NFATC2: variants seen among roughly 807,000 people sequenced by gnomAD.
NFATC2 encodes the protein nuclear factor of activated T-cells, cytoplasmic 2.
Under a neutral mutation model 87.3 loss-of-function variants are expected in NFATC2, and 22 were observed. The observed-to-expected ratio is 0.25, with a 90% CI of 0.18 to 0.36. NFATC2 has a LOEUF of 0.36. Among genes scored for constraint, NFATC2 ranks in the 10% least tolerant of loss-of-function variants. NFATC2 has a pLI of 1.00. For synonymous variants in NFATC2, 565 were observed against 542.2 expected, an observed-to-expected ratio of 1.04 and a Z score of -0.58; for missense variants, 1,149 against 1,259.1, an observed-to-expected ratio of 0.91 and a Z score of 1.32.
intron 1 of NFATC2, among the ~76,000 whole-genome samples, chr20:51,527,478 G>A (rs60959924): frequency 0.019 from 2,918 of 151,908 alleles, 93 homozygotes; most frequent in African/African-American, 0.066. Flanking sequence ...CGTTTCCCTC[G>A]ACCTCCAGTC....
At chr20:51,408,972 A>T (rs2426304) in intron 9 of NFATC2, among the ~76,000 whole-genome samples, 2,692 of 152,298 alleles carry the variant, frequency 0.018, 30 homozygotes, top group Middle Eastern at 0.054. Context: ...CACCCAGAAA[A>T]CTCACACCTT....
intron 3 of NFATC2, among the ~76,000 whole-genome samples, chr20:51,505,170 T>C (rs1243499936): frequency 1.3e-5 from 2 of 151,670 alleles, no homozygotes; most frequent in Admixed American, 1.3e-4. Context: ...CCCGCCACCA[T>C]GCCTGGCTAA....
chr20:51,537,564 C>T (rs938599273), intron 1 of NFATC2, among the ~76,000 whole-genome samples: 2 of 152,214 alleles, frequency 1.3e-5, no homozygotes, highest in African/African-American at 4.8e-5. Flanking sequence ...CCCCACATAT[C>T]TGTCCCCAAC....
intron 1 of NFATC2, among the ~76,000 whole-genome samples, chr20:51,535,936 G>C (rs1411675024): frequency 6.6e-6 from 1 of 152,188 alleles, no homozygotes; most frequent in Non-Finnish European, 1.5e-5. Flanking sequence ...CCCAGGAAAA[G>C]CAATCTCCCC....
chr20:51,561,483 G>GA (rs1243303767), intron 1 of NFATC2, among the ~76,000 whole-genome samples: 1 of 107,466 alleles, frequency 9.3e-6, no homozygotes, highest in Non-Finnish European at 2.0e-5. Context: ...AAGAAAGAAA[G>GA]AAAGCAAGCA....
chr20:51,539,002 A>G (rs2076764073), intron 1 of NFATC2, among the ~76,000 whole-genome samples: 1 of 152,182 alleles, frequency 6.6e-6, no homozygotes, highest in Admixed American at 6.5e-5. Context: ...CATGGTATGG[A>G]GCAACACTGC....
chr20:51,391,857 T>C (rs767132199), intron 10 of NFATC2, among the ~76,000 whole-genome samples: 1 of 152,224 alleles, frequency 6.6e-6, no homozygotes, highest in Non-Finnish European at 1.5e-5. Context: ...TTCCTTGTGC[T>C]TGTATATTTG....
chr20:51,429,910 C>T lies in NFATC2; in HGVS notation c.2722+2157G>A, dbSNP rs1014176148. Among the ~76,000 whole-genome samples, 6 of 151,892 alleles carry T rather than the reference C, an allele frequency of 4.0e-5. No homozygotes were observed. In the East Asian group the frequency reaches 1.2e-3, roughly 29 times the overall value. On this transcript the variant is annotated intron_variant, in intron 9 of 10. Coordinates refer to ENST00000371564, the MANE Select transcript of NFATC2 (RefSeq NM_012340.5). ...AGAGCTGACTCAGGTTTGGACCTAG[C>T]GGGACTCCCCCTCACCACGACTTTG... is the stretch of plus-strand genomic sequence containing the variant.
Position 51,389,862 on chromosome 20 carries a change from A to T in NFATC2, c.*1634T>A, listed in dbSNP as rs750861326. 2 of 150,658 alleles carry T rather than the reference A, an allele frequency of 1.3e-5. No individual in the cohort carries two copies. The highest frequency in any genetic ancestry group is 2.9e-5 in the Non-Finnish European group (2 of 68,022). The allele number at this position is 150,658 out of a possible 1,614,324, so 9.3% of individuals were successfully genotyped here. On this transcript the variant is annotated 3_prime_UTR_variant, in exon 11 of 11. Transcript: ENST00000371564. ...TTCTTCTGAGGCCTTCTGCCTACAG[A>T]CTGTACAGACTGGACTGAGAAAACA...
intron 3 of NFATC2, among the ~76,000 whole-genome samples, chr20:51,479,481 T>C (rs574204137): frequency 1.3e-5 from 2 of 152,214 alleles, no homozygotes; most frequent in South Asian, 4.2e-4. Context: ...TAGCCAGGCA[T>C]AGTGTCGCAC....
chr20:51,540,647 G>GTTTTTTTTTTT lies in NFATC2; in HGVS notation c.130+1722_130+1723insAAAAAAAAAAA, dbSNP rs375172598. On this transcript the variant is annotated intron_variant, in intron 1 of 10. Coordinates refer to ENST00000371564, the MANE Select transcript of NFATC2 (RefSeq NM_012340.5). ...ATCTGAAACTGTTCCAAAAACTGAAGTTTTTTTTTTGTTTTTTTTTTTTTG... is the reference window on the plus strand; with the variant it reads ...ATCTGAAACTGTTCCAAAAACTGAAGTTTTTTTTTTTTTTTTTTTTTGTTTTTTTTTTTTTG... 7.4e-4 allele frequency among the ~76,000 whole-genome samples: 84 copies of GTTTTTTTTTTT among 112,950 alleles called. 6 individuals carry two copies. The highest frequency in any genetic ancestry group is 2.0e-3 in the African/African-American group (45 of 22,864). 74.1% of individuals were successfully genotyped at this position (112,950 alleles called of 152,430 possible).
At position 51,432,618 on chromosome 20, in the gene NFATC2, G is replaced by A; in HGVS notation, c.2171C>T (p.Thr724Ile). Residue 724 changes from threonine (T) to isoleucine (I), a missense_variant, in exon 9 of 11, where the codon ACC becomes ATC. Coordinates refer to ENST00000371564, the MANE Select transcript of NFATC2 (RefSeq NM_012340.5). This position sits in a 1 kb window ranked among gnomAD's most constrained non-coding sequence, Gnocchi z 4.6. ...GCGGAACTGCTGGCAGGGAGCCATG[G>A]TGGCCACGAGGCAGGAGGGGGACTC... is the stretch of plus-strand genomic sequence containing the variant. ...VAESPSCLVA[T>I]MAPCQQFRTG... 6.5e-7 allele frequency: 1 copy of A among 1,530,400 alleles called. No individual in the cohort carries two copies. 94.8% of individuals were successfully genotyped at this position (1,530,400 alleles called of 1,614,324 possible).
chr20:51,553,252 C>T (rs141440127), intron 1 of NFATC2, among the ~76,000 whole-genome samples: 3 of 152,286 alleles, frequency 2.0e-5, no homozygotes, highest in African/African-American at 7.2e-5. Flanking sequence ...TGAGCTTGAG[C>T]GCCTGGGCTG....
chr20:51,398,325 A>G (rs1003578027), intron 10 of NFATC2, among the ~76,000 whole-genome samples: 3 of 152,060 alleles, frequency 2.0e-5, no homozygotes, highest in African/African-American at 7.2e-5. Context: ...CACCCACAAC[A>G]AAGTGTGCAA....
chr20:51,503,292 G>A (rs2076121371), intron 3 of NFATC2, among the ~76,000 whole-genome samples: 1 of 152,236 alleles, frequency 6.6e-6, no homozygotes, highest in Non-Finnish European at 1.5e-5. Context: ...ACTTGGCACT[G>A]TGCTAAGTGG....
rs767278948 is a variant in NFATC2 at position 51,432,774 on chromosome 20, C to T, written c.2033-18G>A. On this transcript the variant is annotated intron_variant, in intron 8 of 10. Transcript: ENST00000371564. The surrounding 1 kb of genome is among the most constrained non-coding windows in gnomAD (Gnocchi z 4.6). Reference sequence around the variant, plus strand: ...GGCTGGGACTGGGAGGAGAAAAGAGCACATAGGGGCGCCCATGGCAGTGAG... The same window carrying T: ...GGCTGGGACTGGGAGGAGAAAAGAGTACATAGGGGCGCCCATGGCAGTGAG... The T allele has an allele frequency of 5.2e-6, 8 of 1,536,832 alleles. No homozygotes were observed. Among genetic ancestry groups the T allele is most frequent in the Non-Finnish European group, 6.9e-6 (8 of 1,151,622 alleles).
At chr20:51,504,658 G>C (rs1433396890) in intron 3 of NFATC2, among the ~76,000 whole-genome samples, 2 of 152,192 alleles carry the variant, frequency 1.3e-5, no homozygotes, top group Non-Finnish European at 2.9e-5. Context: ...TTAAGAGCGT[G>C]GGCTTTTGAG....
At chr20:51,549,296 G>A (rs575147929) in intron 1 of NFATC2, among the ~76,000 whole-genome samples, 5 of 152,012 alleles carry the variant, frequency 3.3e-5, no homozygotes, top group African/African-American at 4.8e-5. Flanking sequence ...GTTTGAGATG[G>A]AGTTTTGCTC....
At chr20:51,433,759 A>ATGTGTGTGTGTGTG (rs59775939) in intron 8 of NFATC2, among the ~76,000 whole-genome samples, 2 of 145,994 alleles carry the variant, frequency 1.4e-5, no homozygotes. Context: ...TCATGCATGC[A>ATGTGTGTGTGTGTG]TGTGTGTGTG....
Sources: gnomAD v4.1 joint callset for allele counts (sites outside exome capture counted in the v4.1 genomes callset) on GRCh38, gnomAD v4.1.1 for gene constraint, Gnocchi (gnomAD v3.1) non-coding constraint, MANE v1.5 for transcripts, NCBI Gene and HGNC (gene_info 2026-07-23, HGNC 2026-07-21) for gene names.